CNTN4: variants seen among roughly 807,000 people sequenced by gnomAD.
CNTN4 encodes the protein contactin-4.
Under a neutral mutation model 122.5 loss-of-function variants are expected in CNTN4, and 77 were observed. That is an observed-to-expected ratio of 0.63 (90% CI 0.52 to 0.76). CNTN4 has a LOEUF of 0.76. Among genes scored for constraint, CNTN4 ranks in the 30% least tolerant of loss-of-function variants. The pLI is 0.00. For synonymous variants in CNTN4, 512 were observed against 447.0 expected, an observed-to-expected ratio of 1.15 and a Z score of -1.83; for missense variants, 1,256 against 1,259.1, an observed-to-expected ratio of 1.00 and a Z score of 0.04.
At chr3:2,381,617 A>C (rs1363733615) in intron 3 of CNTN4, among the ~76,000 whole-genome samples, 1 of 152,198 alleles carries the variant, frequency 6.6e-6, no homozygotes, top group Non-Finnish European at 1.5e-5. Flanking sequence ...TTTCCCTTCT[A>C]AGTCTGTAGG....
chr3:2,113,072 C>T (rs2033085127), intron 2 of CNTN4, among the ~76,000 whole-genome samples: 1 of 152,178 alleles, frequency 6.6e-6, no homozygotes, highest in South Asian at 2.1e-4. Context: ...ATTCTGCTTT[C>T]TTGGGCTTTT....
At chr3:2,131,011 T>A (rs1270886292) in intron 2 of CNTN4, among the ~76,000 whole-genome samples, 2 of 152,200 alleles carry the variant, frequency 1.3e-5, no homozygotes, top group African/African-American at 4.8e-5. Flanking sequence ...ATATTGGAAC[T>A]GCAGATAAGG....
chr3:2,252,961 C>T (rs7645682), intron 2 of CNTN4, among the ~76,000 whole-genome samples: 104,992 of 151,782 alleles, frequency 0.69, 36,533 homozygotes, highest in South Asian at 0.79. Flanking sequence ...TTAGGGACTA[C>T]TATATTCACA....
At chr3:2,537,709 G>A (rs889154316) in intron 3 of CNTN4, among the ~76,000 whole-genome samples, 2 of 152,060 alleles carry the variant, frequency 1.3e-5, no homozygotes, top group African/African-American at 4.8e-5. Context: ...CCACGATCAT[G>A]AGACTTTTTA....
intron 4 of CNTN4, among the ~76,000 whole-genome samples, chr3:2,677,349 G>C (rs1358335717): frequency 2.0e-5 from 2 of 99,328 alleles, no homozygotes; most frequent in Non-Finnish European, 4.3e-5. Flanking sequence ...TTTGTGGTGG[G>C]GGGCACAGAG....
intron 4 of CNTN4, among the ~76,000 whole-genome samples, chr3:2,598,938 T>G (rs141644260): frequency 5.4e-4 from 82 of 152,322 alleles, no homozygotes; most frequent in African/African-American, 1.9e-3. Flanking sequence ...AGATTGTTAT[T>G]TTTTACTTTT....
intron 8 of CNTN4, among the ~76,000 whole-genome samples, chr3:2,869,221 C>G (rs2093758061): frequency 1.3e-5 from 2 of 152,108 alleles, no homozygotes; most frequent in South Asian, 4.1e-4. Context: ...AAGAAGATTG[C>G]TTAGCTGCTA....
chr3:2,640,356 G>A (rs2728073), intron 4 of CNTN4, among the ~76,000 whole-genome samples: 114,554 of 152,182 alleles, frequency 0.75, 44,488 homozygotes, highest in East Asian at 0.98. Flanking sequence ...TTGTAAGGCT[G>A]TTTATGGGTT....
At chr3:2,456,616 C>A (rs1221355146) in intron 3 of CNTN4, among the ~76,000 whole-genome samples, 1 of 152,092 alleles carries the variant, frequency 6.6e-6, no homozygotes, top group East Asian at 1.9e-4. Context: ...TAGAACCATA[C>A]AATATGTAAC....
At chr3:2,568,332 AAAAAAAAAC>A (rs1559246906) in intron 3 of CNTN4, among the ~76,000 whole-genome samples, 2 of 151,106 alleles carry the variant, frequency 1.3e-5, no homozygotes, top group African/African-American at 4.9e-5. Context: ...AAAAAAAAAA[AAAAAAAAAC>A]CACCCTGTAC....
chr3:2,903,037 T>G, intron 12 of CNTN4, 32 bp downstream of exon 12: 1 of 1,604,500 alleles, frequency 6.2e-7, no homozygotes. Flanking sequence ...AAAAAAAAAT[T>G]AAAACTCTTT....
intron 6 of CNTN4, among the ~76,000 whole-genome samples, chr3:2,817,762 T>G (rs1388191191): frequency 2.0e-5 from 3 of 152,206 alleles, no homozygotes; most frequent in African/African-American, 7.2e-5. Flanking sequence ...GTAGATGACT[T>G]ACTCTAAGAA....
At chr3:3,038,263 A>G (rs1212594307) in intron 18 of CNTN4, among the ~76,000 whole-genome samples, 1 of 152,040 alleles carries the variant, frequency 6.6e-6, no homozygotes, top group Non-Finnish European at 1.5e-5. Context: ...CCCCTCAGCA[A>G]TCCTGAGGTG....
At chr3:2,342,584 G>A (rs940474778) in intron 3 of CNTN4, among the ~76,000 whole-genome samples, 1 of 152,166 alleles carries the variant, frequency 6.6e-6, no homozygotes, top group Non-Finnish European at 1.5e-5. Context: ...CAAGGGGGCA[G>A]TGATCCTCAT....
At chr3:2,672,268 C>T (rs914197239) in intron 4 of CNTN4, among the ~76,000 whole-genome samples, 14 of 152,180 alleles carry the variant, frequency 9.2e-5, no homozygotes, top group African/African-American at 2.4e-4. Context: ...CCACCCAGTT[C>T]GAGCTTCCAG....
chr3:2,554,168 A>G (rs1344139983), intron 3 of CNTN4, among the ~76,000 whole-genome samples: 6 of 152,186 alleles, frequency 3.9e-5, no homozygotes, highest in Non-Finnish European at 7.4e-5. Flanking sequence ...GCGAATAAAA[A>G]TTCAGTTGTC....
intron 9 of CNTN4, 95 bp from the exon 10 acceptor site, chr3:2,886,945 C>T: frequency 9.5e-7 from 1 of 1,053,944 alleles, no homozygotes; most frequent in Non-Finnish European, 1.4e-6. Flanking sequence ...AACACCCAAC[C>T]TTATATGTGT....
At chr3:2,734,501 C>G (rs1166923683) in intron 4 of CNTN4, among the ~76,000 whole-genome samples, 1 of 152,184 alleles carries the variant, frequency 6.6e-6, no homozygotes. Flanking sequence ...GGCATTGAAA[C>G]TCAGTCCATG....
intron 2 of CNTN4, among the ~76,000 whole-genome samples, chr3:2,212,149 A>G (rs1397800054): frequency 2.7e-5 from 4 of 150,928 alleles, no homozygotes; most frequent in Non-Finnish European, 4.4e-5. Context: ...TTTTTTTTGT[A>G]TTTTTTGTAG....
Sources: allele counts gnomAD v4.1 joint callset (sites outside exome capture counted in the v4.1 genomes callset), GRCh38; gene constraint gnomAD v4.1.1; transcripts MANE v1.5; gene names NCBI Gene and HGNC (gene_info 2026-07-23, HGNC 2026-07-21).